Variants in TGM4 observed in about 807,000 individuals in gnomAD.
The protein encoded by TGM4 is transglutaminase 4.
Under a neutral mutation model 76.3 loss-of-function variants are expected in TGM4, and 61 were observed. That is an observed-to-expected ratio of 0.80 (90% CI 0.65 to 0.99). The LOEUF (loss-of-function observed/expected upper bound fraction) is 0.99. Ranked by LOEUF, TGM4 falls within the 50% of genes least tolerant of loss-of-function variation. The probability of loss-of-function intolerance (pLI) is 0.00; values close to 1 mark genes in which losing one functional copy is unlikely to be tolerated. For missense variants in TGM4, 794 were observed against 843.2 expected (o/e 0.94, Z 0.72); for synonymous variants, 337 against 329.8 (o/e 1.02, Z -0.24).
chr3:44,897,903 G>C (rs964010212), intron 6 of TGM4, among the ~76,000 whole-genome samples: 3 of 152,144 alleles, frequency 2.0e-5, no homozygotes, highest in African/African-American at 7.2e-5. Context: ...CTAGAAGTCA[G>C]CTGGAATTTC....
chr3:44,910,877 T>C (rs1699994101), intron 11 of TGM4, 81 bp from the exon 12 acceptor site: 2 of 1,472,622 alleles, frequency 1.4e-6, no homozygotes, highest in Middle Eastern at 1.9e-4. Context: ...AAAGTTAATC[T>C]AATTCTGTGC....
intron 2 of TGM4, among the ~76,000 whole-genome samples, chr3:44,886,250 A>AGGG (rs66762738): frequency 3.7e-5 from 1 of 27,136 alleles, no homozygotes; most frequent in African/African-American, 1.7e-4. Context: ...AGGCTGAGGT[A>AGGG]GAATTGCTTG....
At chr3:44,882,860 C>T (rs946736600) in intron 1 of TGM4, among the ~76,000 whole-genome samples, 2 of 152,240 alleles carry the variant, frequency 1.3e-5, no homozygotes, top group Non-Finnish European at 2.9e-5. Context: ...CGAGTGCCTA[C>T]TGTGTGCCAG....
rs1699425239 is a variant in TGM4, at chr3:44,874,641, A to ATC, written c.-38_-37insTC. 4 of 1,613,860 alleles carry ATC rather than the reference A, an allele frequency of 2.5e-6. No individual in the cohort carries two copies. The highest frequency in any genetic ancestry group is 2.7e-5 in the African/African-American group (2 of 74,944). On this transcript the variant is annotated 5_prime_UTR_variant, in exon 1 of 14. Transcript: ENST00000296125. Reference sequence around the variant, plus strand: ...TGTGGAAGCACCAGGCATCAGAGATAGAGTCTTCCCTGGCATTGCAGGAGA... The same window carrying ATC: ...TGTGGAAGCACCAGGCATCAGAGATATCGAGTCTTCCCTGGCATTGCAGGAGA...
chr3:44,881,018 G>A (rs1017627045), intron 1 of TGM4, among the ~76,000 whole-genome samples: 4 of 152,042 alleles, frequency 2.6e-5, no homozygotes, highest in South Asian at 2.1e-4. Context: ...AGGAGTTTGA[G>A]ACCAGCCTGG....
In TGM4 at chr3:44,914,893, T is replaced by G. The variant is rs1700065973; in HGVS notation, c.*1168T>G. ...ACCTGTCATCCTCTGCCTTTCCAGC[T>G]GTCCAAGTGAAAAAAACCTCAATCC... On this transcript the variant is annotated 3_prime_UTR_variant, in exon 14 of 14. Transcript: ENST00000296125. 1 of 152,186 alleles carries G rather than the reference T, an allele frequency of 6.6e-6. No individual in the cohort carries two copies. The highest frequency in any genetic ancestry group is 2.4e-5 in the African/African-American group (1 of 41,422). 9.4% of individuals were successfully genotyped at this position (152,186 alleles called of 1,614,324 possible).
chr3:44,890,778 C>A, intron 4 of TGM4, 46 bp downstream of exon 4: 1 of 1,607,434 alleles, frequency 6.2e-7, no homozygotes. Context: ...GTGACCCCGG[C>A]AAAACCTGCT....
rs1309613766 is a variant in TGM4, at chr3:44,885,512, G to T, written c.193+14G>T. ...AATTCAGCACAGGTGAAGCCTCGGG[G>T]CCCTACTCATGGGGCTTTGGGGAGG... On this transcript the variant is annotated intron_variant, in intron 2 of 13. Coordinates refer to ENST00000296125, the MANE Select transcript of TGM4 (RefSeq NM_003241.4). 1 of 1,603,580 alleles carries T rather than the reference G, an allele frequency of 6.2e-7. No homozygotes were observed. The highest frequency in any genetic ancestry group is 8.5e-7 in the Non-Finnish European group (1 of 1,173,268).
chr3:44,878,061 G>A (rs1013259267), intron 1 of TGM4, among the ~76,000 whole-genome samples: 9 of 151,650 alleles, frequency 5.9e-5, no homozygotes, highest in African/African-American at 7.3e-5. Context: ...TGAGGTGAGA[G>A]GATTGCTTCA....
chr3:44,880,178 A>C (rs1196441774), intron 1 of TGM4, among the ~76,000 whole-genome samples: 1 of 152,172 alleles, frequency 6.6e-6, no homozygotes, highest in African/African-American at 2.4e-5. Context: ...CTGCTGAAAT[A>C]GTGTATTTTG....
chr3:44,897,206 A>G (rs372397433), intron 6 of TGM4, among the ~76,000 whole-genome samples: 1 of 151,918 alleles, frequency 6.6e-6, no homozygotes, highest in Non-Finnish European at 1.5e-5. Context: ...GGGTTTCACC[A>G]TCTTGGCCAG....
intron 9 of TGM4, among the ~76,000 whole-genome samples, chr3:44,905,964 C>T (rs1291418919): frequency 6.6e-6 from 1 of 152,224 alleles, no homozygotes; most frequent in African/African-American, 2.4e-5. Context: ...CGCAGTGCCA[C>T]TATCTGCCTG....
intron 1 of TGM4, among the ~76,000 whole-genome samples, chr3:44,881,495 C>T (rs1358044048): frequency 6.6e-6 from 1 of 152,194 alleles, no homozygotes; most frequent in Non-Finnish European, 1.5e-5. Context: ...GGGCCTTCTT[C>T]CTAGCGAGGA....
intron 1 of TGM4, among the ~76,000 whole-genome samples, chr3:44,878,953 C>G (rs1353523230): frequency 6.6e-6 from 1 of 152,002 alleles, no homozygotes; most frequent in African/African-American, 2.4e-5. Context: ...TCCAAGACTC[C>G]GCGTCTCTAA....
chr3:44,911,672 A>C (rs1388435854), intron 13 of TGM4, among the ~76,000 whole-genome samples: 1 of 152,176 alleles, frequency 6.6e-6, no homozygotes, highest in Non-Finnish European at 1.5e-5. Flanking sequence ...TATTTCTTAC[A>C]TTAATTGACT....
chr3:44,882,470 T>C (rs778407100), intron 1 of TGM4, among the ~76,000 whole-genome samples: 3 of 152,246 alleles, frequency 2.0e-5, no homozygotes, highest in Admixed American at 1.3e-4. Flanking sequence ...TTCTGGAAGA[T>C]AGACATCCAA....
chr3:44,882,057 CTTTT>C (rs60542332), intron 1 of TGM4, among the ~76,000 whole-genome samples: 2 of 104,620 alleles, frequency 1.9e-5, no homozygotes, highest in African/African-American at 3.6e-5. Flanking sequence ...AATACAAACG[CTTTT>C]TTTTTTTTTT....
At chr3:44,911,204 C>T (rs1032442957) in intron 12 of TGM4, 66 bp from the exon 13 acceptor site, 2 of 1,610,602 alleles carry the variant, frequency 1.2e-6, no homozygotes, top group African/African-American at 2.7e-5. Flanking sequence ...CCCTAAGAAC[C>T]CTGAGGGTCC....
chr3:44,892,362 A>ATTT (rs200539240), intron 4 of TGM4, among the ~76,000 whole-genome samples: 2 of 131,586 alleles, frequency 1.5e-5, no homozygotes, highest in Non-Finnish European at 3.2e-5. Flanking sequence ...TTTTTTTTTA[A>ATTT]TTTTTTTTTT....
Sources: gnomAD v4.1 joint callset for allele counts (sites outside exome capture counted in the v4.1 genomes callset) on GRCh38, gnomAD v4.1.1 for gene constraint, MANE v1.5 for transcripts, NCBI Gene and HGNC (gene_info 2026-07-23, HGNC 2026-07-21) for gene names.